The following CISD1 variants were observed in gnomAD, a reference collection of about 807,000 sequenced individuals.
The protein encoded by CISD1 is CDGSH iron-sulfur domain-containing protein 1.
Under a neutral mutation model 12.0 loss-of-function variants are expected in CISD1, and 8 were observed. That is an observed-to-expected ratio of 0.67 (90% CI 0.39 to 1.20). The LOEUF is 1.20. CISD1 is among the 50% of genes most tolerant of loss of function. CISD1 has a pLI of 0.01. For synonymous variants in CISD1, 38 were observed against 42.2 expected (o/e 0.90, Z 0.39); for missense variants, 107 against 132.7 (o/e 0.81, Z 0.95).
intron 2 of CISD1, among the ~76,000 whole-genome samples, chr10:58,278,006 A>G (rs529228982): frequency 6.6e-6 from 1 of 152,360 alleles, no homozygotes; most frequent in East Asian, 1.9e-4. Context: ...ATATCTAACA[A>G]TATAGGATCC....
chr10:58,277,949 G>A, intron 2 of CISD1, among the ~76,000 whole-genome samples: 1 of 152,176 alleles, frequency 6.6e-6, no homozygotes. Context: ...AAAAACTTAT[G>A]TGGTAAATGT....
intron 1 of CISD1, among the ~76,000 whole-genome samples, chr10:58,271,344 AT>A (rs1755239223): frequency 6.6e-6 from 1 of 152,060 alleles, no homozygotes; most frequent in South Asian, 2.1e-4. Context: ...CCGGCCGACT[AT>A]TTTTTATTTC....
intron 2 of CISD1, chr10:58,282,816 A>G (rs2790189): frequency 0.34 from 51,326 of 152,084 alleles, 10,901 homozygotes; most frequent in African/African-American, 0.61. Context: ...CTTACTTTCG[A>G]AACAAGAAGA....
rs1839461791 is a variant in CISD1 at position 58,289,133 on chromosome 10, T to G, written c.*1483T>G. ...AATCCTACAAACTGATTCTATTAGA[T>G]TCTTAGGGTAAATTTTTTCTTTGCC... On this transcript the variant is annotated 3_prime_UTR_variant, in exon 3 of 3. Transcript: ENST00000333926. The G allele has an allele frequency of 6.6e-6, 1 of 152,174 alleles. No homozygotes were observed. The highest frequency in any genetic ancestry group is 2.4e-5 in the African/African-American group (1 of 41,444). The allele number at this position is 152,174 out of a possible 1,614,324, so 9.4% of individuals were successfully genotyped here. A position where few individuals can be genotyped will look rare whatever the true frequency, so the allele number is the denominator to read the frequency against.
intron 2 of CISD1, among the ~76,000 whole-genome samples, chr10:58,283,360 G>A (rs1376262496): frequency 6.6e-6 from 1 of 152,022 alleles, no homozygotes; most frequent in African/African-American, 2.4e-5. Flanking sequence ...ATTGAAATAG[G>A]TACATAAGAA....
chr10:58,279,956 A>T (rs1839355885), intron 2 of CISD1, among the ~76,000 whole-genome samples: 1 of 152,190 alleles, frequency 6.6e-6, no homozygotes, highest in South Asian at 2.1e-4. Context: ...ACATGGTGAG[A>T]CCCAGTCTCT....
intron 1 of CISD1, chr10:58,276,081 G>A (rs1220016781): frequency 6.6e-6 from 1 of 152,186 alleles, no homozygotes; most frequent in East Asian, 1.9e-4. Flanking sequence ...GGAGTCCAGT[G>A]TGTTTATCCT....
rs1194207940 is a variant in CISD1, at chr10:58,269,284, C to T, written c.11C>T (p.Thr4Ile). 3 of 1,609,232 alleles carry T rather than the reference C, an allele frequency of 1.9e-6. No individual in the cohort carries two copies. Among genetic ancestry groups the T allele is most frequent in the Middle Eastern group, 1.7e-4 (1 of 5,886 alleles). Residue 4 changes from threonine to isoleucine, a missense_variant, in exon 1 of 3, where the codon ACT (threonine) becomes ATT (isoleucine). Thr to Ile is a moderately conservative substitution (Grantham distance 89). Transcript: ENST00000333926. ...GCAAGCGACGGCGCCATGAGTCTGACTTCCAGTTCCAGCGTACGAGGTGAA... is the reference window on the plus strand; with the variant it reads ...GCAAGCGACGGCGCCATGAGTCTGATTTCCAGTTCCAGCGTACGAGGTGAA... MSL[T>I]SSSSVRVEWI...
At chr10:58,273,902 G>A (rs1839279161) in intron 1 of CISD1, among the ~76,000 whole-genome samples, 1 of 152,214 alleles carries the variant, frequency 6.6e-6, no homozygotes, top group South Asian at 2.1e-4. Flanking sequence ...GGGAGGCCGA[G>A]GCAGGCGGAT....
chr10:58,287,420 T>C, intron 2 of CISD1, 141 bp from the exon 3 acceptor site: 1 of 506,584 alleles, frequency 2.0e-6, no homozygotes. Flanking sequence ...ATATGTAGTT[T>C]ACATATGCTG....
intron 2 of CISD1, 138 bp from the exon 3 acceptor site, chr10:58,287,423 A>G: frequency 1.9e-6 from 1 of 521,098 alleles, no homozygotes; most frequent in Non-Finnish European, 3.4e-6. Flanking sequence ...TGTAGTTTAC[A>G]TATGCTGTTT....
intron 2 of CISD1, among the ~76,000 whole-genome samples, chr10:58,279,163 A>G (rs1839347937): frequency 6.6e-6 from 1 of 152,234 alleles, no homozygotes; most frequent in Non-Finnish European, 1.5e-5. Flanking sequence ...TTCCTTGTAT[A>G]CAAACTGTTT....
At chr10:58,273,191 A>G (rs952500619) in intron 1 of CISD1, among the ~76,000 whole-genome samples, 1 of 152,212 alleles carries the variant, frequency 6.6e-6, no homozygotes, top group Middle Eastern at 3.2e-3. Context: ...CATTTAGTAT[A>G]AGAGCAATGC....
In CISD1 at chr10:58,288,925, T is replaced by C. The variant is rs1839459356; in HGVS notation, c.*1275T>C. 1 of 152,218 alleles carries C rather than the reference T, an allele frequency of 6.6e-6. No homozygotes were observed. The highest frequency in any genetic ancestry group is 6.6e-5 in the Admixed American group (1 of 15,258). The allele number at this position is 152,218 out of a possible 1,614,324, so 9.4% of individuals were successfully genotyped here. A position where few individuals can be genotyped will look rare whatever the true frequency, so the allele number is the denominator to read the frequency against. ...TCTACTTGCTAAAATCCATTTACCTTGACAGGAATCAAACCTGACAGCAGC... is the reference window on the plus strand; with the variant it reads ...TCTACTTGCTAAAATCCATTTACCTCGACAGGAATCAAACCTGACAGCAGC... On this transcript the variant is annotated 3_prime_UTR_variant, in exon 3 of 3. Transcript: ENST00000333926.
rs752579316 is a variant in CISD1 at position 58,277,203 on chromosome 10, C to A, written c.118C>A (p.Arg40=). 6.2e-7 allele frequency: 1 copy of A among 1,612,332 alleles called. No individual in the cohort carries two copies. Among genetic ancestry groups the A allele is most frequent in the African/African-American group, 1.3e-5 (1 of 74,904 alleles). ...CAAAAGATTTTATGTTAAAGATCAT[C>A]GAAATAAAGCTATGATAAACCTTCA... The part of the protein sequence containing the change: ...AYKRFYVKDH[R]NKAMINLHIQ... Residue 40 remains arginine, a synonymous_variant, in exon 2 of 3, where the codon CGA becomes AGA. Transcript: ENST00000333926.
chr10:58,281,907 G>C (rs1308462172), intron 2 of CISD1, among the ~76,000 whole-genome samples: 1 of 151,036 alleles, frequency 6.6e-6, no homozygotes, highest in Non-Finnish European at 1.5e-5. Context: ...TTTGTCCAGT[G>C]CTTCTCTTGC....
chr10:58,286,627 T>G (rs974448735), intron 2 of CISD1, among the ~76,000 whole-genome samples: 3 of 152,078 alleles, frequency 2.0e-5, no homozygotes, highest in African/African-American at 7.2e-5. Flanking sequence ...CAAATCAGAG[T>G]GTCTTGCAGG....
rs1839458433 is a variant in CISD1 at position 58,288,815 on chromosome 10, G to A, written c.*1165G>A. On this transcript the variant is annotated 3_prime_UTR_variant, in exon 3 of 3. Coordinates refer to ENST00000333926, the MANE Select transcript of CISD1 (RefSeq NM_018464.5). Reference sequence around the variant, plus strand: ...CATGGCAAAATTTACAGAAAATTGGGCAAACAATTGAAATTGATAAAGCAG... The same window carrying A: ...CATGGCAAAATTTACAGAAAATTGGACAAACAATTGAAATTGATAAAGCAG... 6.6e-6 allele frequency: 1 copy of A among 152,010 alleles called. No homozygotes were observed. Among genetic ancestry groups the A allele is most frequent in the South Asian group, 2.1e-4 (1 of 4,806 alleles). 9.4% of individuals were successfully genotyped at this position (152,010 alleles called of 1,614,324 possible). A position where few individuals can be genotyped will look rare whatever the true frequency, so the allele number is the denominator to read the frequency against.
chr10:58,285,744 A>G (rs1206538262), intron 2 of CISD1, among the ~76,000 whole-genome samples: 1 of 152,218 alleles, frequency 6.6e-6, no homozygotes, highest in African/African-American at 2.4e-5. Context: ...GATTTTATAT[A>G]GCAAGAATGT....
Sources: allele counts gnomAD v4.1 joint callset (sites outside exome capture counted in the v4.1 genomes callset), GRCh38; gene constraint gnomAD v4.1.1; transcripts MANE v1.5; gene names NCBI Gene and HGNC (gene_info 2026-07-23, HGNC 2026-07-21).